The following CNPPD1 variants were observed in gnomAD, a reference collection of about 807,000 sequenced individuals.
CNPPD1 encodes the protein cyclin Pas1/PHO80 domain containing 1, also known as protein CNPPD1.
A neutral mutation model predicts 43.7 loss-of-function variants in CNPPD1; 40 were observed. The observed-to-expected ratio is 0.92, with a 90% CI of 0.71 to 1.19. CNPPD1 has a LOEUF of 1.19. Ranked by LOEUF, CNPPD1 falls within the 50% of genes most tolerant of loss-of-function variation. The probability of loss-of-function intolerance (pLI) is 0.00; values close to 1 mark genes in which losing one functional copy is unlikely to be tolerated. For synonymous variants in CNPPD1, 208 were observed against 214.3 expected, an observed-to-expected ratio of 0.97 and a Z score of 0.26; for missense variants, 511 against 518.5, an observed-to-expected ratio of 0.99 and a Z score of 0.14.
At chr2:219,175,156 C>A (rs770882396) in intron 3 of CNPPD1, 48 bp from the exon 4 acceptor site, 2 of 1,527,678 alleles carry the variant, frequency 1.3e-6, no homozygotes, top group Non-Finnish European at 1.7e-6. Flanking sequence ...TCCTTCAGCT[C>A]TTGCAAGTCT....
rs755110660 is a variant in CNPPD1, at chr2:219,172,943, G to A, written c.876C>T (p.Leu292=). Residue 292 remains leucine (L), a synonymous_variant, in exon 8 of 8, where the codon CTC becomes CTT. Coordinates refer to ENST00000360507, the MANE Select transcript of CNPPD1 (RefSeq NM_015680.6). ...CTTCCAGGCAGCTGGAGACATTAGC[G>A]AGAGACGGCAGGCATTGTGGCACAG... The part of the protein sequence containing the change: ...IPSVPQCLPS[L]ANVSSCLEGS... 13 of 1,613,736 alleles carry A rather than the reference G, an allele frequency of 8.1e-6. No homozygotes were observed. The highest frequency in any genetic ancestry group is 1.1e-5 in the South Asian group (1 of 91,068).
chr2:219,177,322 T>TGG (rs1950192305), upstream of CNPPD1: 1 of 144,722 alleles, frequency 6.9e-6, no homozygotes, highest in African/African-American at 2.6e-5. Flanking sequence ...CTCTGAGAAA[T>TGG]GGGGACAATT....
chr2:219,175,113 G>A lies in CNPPD1; in HGVS notation c.261-5C>T. 1 of 1,581,510 alleles carries A rather than the reference G, an allele frequency of 6.3e-7. No individual in the cohort carries two copies. Among genetic ancestry groups the A allele is most frequent in the Non-Finnish European group, 8.6e-7 (1 of 1,165,750 alleles). On this transcript the variant is annotated splice_region_variant and splice_polypyrimidine_tract_variant and intron_variant, in intron 3 of 7. Coordinates refer to ENST00000360507, the MANE Select transcript of CNPPD1 (RefSeq NM_015680.6). ...CATGGGGAGATGCATGCCTCCCTGG[G>A]TGGTAGAAAGGATCACTAATTAAAC...
In CNPPD1 at chr2:219,173,012, G is replaced by A. The variant is rs145991293; in HGVS notation, c.807C>T (p.Asp269=). The A allele has an allele frequency of 1.8e-5, 29 of 1,613,584 alleles. No individual in the cohort carries two copies. In the African/African-American group the frequency reaches 3.1e-4, roughly 17 times the overall value. ...GGAGGCAACGGGAGGTCAGTCCAAG[G>A]TCAGGCGGCCCAGGTGTAGGGATGC... ...LSCIPTPGPP[D]LGLTSRCLLE... is the part of the protein sequence containing the mutation. Residue 269 remains aspartate (D), a synonymous_variant, in exon 8 of 8, where the codon GAC becomes GAT. Transcript: ENST00000360507.
chr2:219,174,658 G>A (rs1950129120), intron 5 of CNPPD1, 120 bp downstream of exon 5: 8 of 1,372,842 alleles, frequency 5.8e-6, no homozygotes, highest in Non-Finnish European at 7.8e-6. Flanking sequence ...CTAACACAAA[G>A]GCAGGAGGAG....
At position 219,176,211 on chromosome 2, in the gene CNPPD1, A is replaced by C; in HGVS notation, c.178+12T>G. On this transcript the variant is annotated intron_variant, in intron 2 of 7. Transcript: ENST00000360507. Reference sequence around the variant, plus strand: ...TGCTTCTCACTTGTCCAGTCACACAACACTGCCTAACCTGCCACCGGGCTG... The same window carrying C: ...TGCTTCTCACTTGTCCAGTCACACACCACTGCCTAACCTGCCACCGGGCTG... 6.3e-7 allele frequency: 1 copy of C among 1,595,310 alleles called. No homozygotes were observed. Among genetic ancestry groups the C allele is most frequent in the South Asian group, 1.1e-5 (1 of 90,698 alleles).
At position 219,172,270 on chromosome 2, in the gene CNPPD1, T is replaced by C; in HGVS notation, c.*316A>G. 2.4e-6 allele frequency: 1 copy of C among 419,052 alleles called. No homozygotes were observed. The highest frequency in any genetic ancestry group is 2.0e-5 in the African/African-American group (1 of 49,358). 26.0% of individuals were successfully genotyped at this position (419,052 alleles called of 1,614,324 possible). A position where few individuals can be genotyped will look rare whatever the true frequency, so the allele number is the denominator to read the frequency against. The stretch of plus-strand genomic sequence containing the variant: ...ATCTCCCACCTATACTCTTCCATCC[T>C]AGGGAAATCAAAAGTAAAAGTCTAA... On this transcript the variant is annotated 3_prime_UTR_variant, in exon 8 of 8. Transcript: ENST00000360507.
Position 219,176,241 on chromosome 2 carries a change from G to A in CNPPD1, c.160C>T (p.Leu54Phe), listed in dbSNP as rs145875060. ...DWEADCSLEELSSPVADIAVE... is the reference protein window; with the variant it reads ...DWEADCSLEEFSSPVADIAVE... ...GCCTAACCTGCCACCGGGCTGGAGA[G>A]CTCCTCCAGGCTACAGTCGGCTTCC... is the stretch of plus-strand genomic sequence containing the variant. Residue 54 changes from leucine to phenylalanine, a missense_variant, in exon 2 of 8, where the codon CTC (leucine) becomes TTC (phenylalanine). Coordinates refer to ENST00000360507, the MANE Select transcript of CNPPD1 (RefSeq NM_015680.6). The A allele has an allele frequency of 2.3e-3, 3,680 of 1,613,182 alleles. 15 individuals are homozygous for A. The highest frequency in any genetic ancestry group is 6.1e-3 in the Middle Eastern group (37 of 6,060).
rs1334479607 is a variant in CNPPD1, at chr2:219,172,649, C to T, written c.1170G>A (p.Gln390=). The T allele has an allele frequency of 6.2e-7, 1 of 1,614,154 alleles. No homozygotes were observed. Among genetic ancestry groups the T allele is most frequent in the African/African-American group, 1.3e-5 (1 of 75,054 alleles). ...SPVLLSLPQP[Q]QCSLFSVMEL... is the part of the protein sequence containing the mutation. Reference sequence around the variant, plus strand: ...CCATGACACTGAAAAGGGAACATTGCTGAGGCTGAGGAAGTGAAAGGAGCA... The same window carrying T: ...CCATGACACTGAAAAGGGAACATTGTTGAGGCTGAGGAAGTGAAAGGAGCA... Residue 390 remains glutamine (Q), a synonymous_variant, in exon 8 of 8, where the codon CAG becomes CAA. Transcript: ENST00000360507.
intron 5 of CNPPD1, among the ~76,000 whole-genome samples, 186 bp downstream of exon 5, chr2:219,174,592 C>T (rs1485274939): frequency 1.3e-5 from 2 of 152,200 alleles, no homozygotes; most frequent in Non-Finnish European, 1.5e-5. Context: ...CTTGGCCTTA[C>T]TGCTCTACGA....
Position 219,172,462 on chromosome 2 carries a change from C to T in CNPPD1, c.*124G>A, listed in dbSNP as rs1950085367. The T allele has an allele frequency of 2.0e-6, 2 of 1,016,366 alleles. No individual in the cohort carries two copies. Among genetic ancestry groups the T allele is most frequent in the Admixed American group, 3.9e-5 (2 of 51,904 alleles). 63.0% of individuals were successfully genotyped at this position (1,016,366 alleles called of 1,614,324 possible). On this transcript the variant is annotated 3_prime_UTR_variant, in exon 8 of 8. Coordinates refer to ENST00000360507, the MANE Select transcript of CNPPD1 (RefSeq NM_015680.6). ...CTTCTGCCCCACCACCCCATAAGCT[C>T]CCACCCAGGAGGACAGGGGACCTGC...
rs140398371 is a variant in CNPPD1, at chr2:219,173,160, T to C, written c.691-32A>G. ...GAGAGGAGATAAGAAAGAAGGAATC[T>C]GTCTTTAACACATTCACCCCTTGTC... On this transcript the variant is annotated intron_variant, in intron 7 of 7. Coordinates refer to ENST00000360507, the MANE Select transcript of CNPPD1 (RefSeq NM_015680.6). 6.6e-4 allele frequency: 1,003 copies of C among 1,529,468 alleles called. 5 individuals carry two copies. The African/African-American group carries it at 0.012, about 18-fold the overall frequency. The allele number at this position is 1,529,468 out of a possible 1,614,324, so 94.7% of individuals were successfully genotyped here.
At chr2:219,176,722 C>G (rs1359207352) in intron 1 of CNPPD1, 38 bp downstream of exon 1, 1 of 1,393,628 alleles carries the variant, frequency 7.2e-7, no homozygotes, top group African/African-American at 1.6e-5. Flanking sequence ...GGGAGGGGCG[C>G]GCCGGGAGGC....
At chr2:219,175,303 C>T (rs1950141432) in intron 3 of CNPPD1, among the ~76,000 whole-genome samples, 195 bp from the exon 4 acceptor site, 1 of 152,114 alleles carries the variant, frequency 6.6e-6, no homozygotes, top group African/African-American at 2.4e-5. Flanking sequence ...TTGACACCAG[C>T]CTGGCCAACA....
chr2:219,175,651 T>A lies in CNPPD1; in HGVS notation c.200A>T (p.Gln67Leu). Residue 67 changes from glutamine (Q) to leucine (L), a missense_variant, in exon 3 of 8, where the codon CAG (glutamine) becomes CTG (leucine). Physicochemically the swap from Gln to Leu is moderately radical, Grantham distance 113. Coordinates refer to ENST00000360507, the MANE Select transcript of CNPPD1 (RefSeq NM_015680.6). Reference sequence around the variant, plus strand: ...GCGAATAGGGCTGGGGGCTGCCTTCTGGAGCAGTTCGACAGCAATGTCTGC... The same window carrying A: ...GCGAATAGGGCTGGGGGCTGCCTTCAGGAGCAGTTCGACAGCAATGTCTGC... ...PVADIAVELL[Q>L]KAAPSPIRRL... 1 of 1,614,052 alleles carries A rather than the reference T, an allele frequency of 6.2e-7. No homozygotes were observed. The highest frequency in any genetic ancestry group is 2.2e-5 in the East Asian group (1 of 44,884).
At chr2:219,176,532 G>C (rs1467093578) in intron 1 of CNPPD1, among the ~76,000 whole-genome samples, 3 of 152,206 alleles carry the variant, frequency 2.0e-5, no homozygotes, top group African/African-American at 7.2e-5. Context: ...CCCCCATCGA[G>C]GGTTCCCCGG....
At chr2:219,177,456 T>C (rs1405962159), upstream of CNPPD1, 3 of 152,232 alleles carry the variant, frequency 2.0e-5, no homozygotes, top group East Asian at 1.9e-4. Flanking sequence ...AGAGATATTA[T>C]ACATACTCAG....
Position 219,174,771 on chromosome 2 carries a change from T to C in CNPPD1, c.510+7A>G. 6.3e-7 allele frequency: 1 copy of C among 1,585,484 alleles called. No individual in the cohort carries two copies. Among genetic ancestry groups the C allele is most frequent in the Middle Eastern group, 1.7e-4 (1 of 5,898 alleles). On this transcript the variant is annotated splice_region_variant and intron_variant, in intron 5 of 7. Coordinates refer to ENST00000360507, the MANE Select transcript of CNPPD1 (RefSeq NM_015680.6). ...GAAACTGAGCAAGAGAGAGAACAGC[T>C]GCTCACCATGGCACTCAGGAAGCCC...
chr2:219,175,000 G>A lies in CNPPD1; in HGVS notation c.369C>T (p.Phe123=), dbSNP rs144816376. The A allele has an allele frequency of 2.3e-4, 367 of 1,613,970 alleles. No homozygotes were observed. Among genetic ancestry groups the A allele is most frequent in the Non-Finnish European group, 3.0e-4 (351 of 1,180,016 alleles). The change falls in exon 4 of 8, where the codon TTC becomes TTT. Residue 123 remains phenylalanine, a synonymous_variant. Transcript: ENST00000360507. ...GGGGGTGTCTTACCATGGAGATCAG[G>A]AACAAGTCAGAGGATGACACATGCT... The part of the protein sequence containing the change: ...YLQHVSSSDL[F]LISMMVASKY...
Sources: gnomAD v4.1 joint callset for allele counts (sites outside exome capture counted in the v4.1 genomes callset) on GRCh38, gnomAD v4.1.1 for gene constraint, MANE v1.5 for transcripts, NCBI Gene and HGNC (gene_info 2026-07-23, HGNC 2026-07-21) for gene names.